The following TSGA10 variants were observed in gnomAD, a reference collection of about 807,000 sequenced individuals.
The protein encoded by TSGA10 is testis-specific gene 10 protein.
In TSGA10, 43 loss-of-function variants were observed where a neutral mutation model predicts 96.6. The ratio of observed to expected loss-of-function variants is 0.44; its 90% CI spans 0.35 to 0.57. The LOEUF (loss-of-function observed/expected upper bound fraction) is 0.57, where lower values mean the gene tolerates loss of function less well. Among genes scored for constraint, TSGA10 ranks in the 20% least tolerant of loss-of-function variants. The probability of loss-of-function intolerance (pLI) is 0.01; values close to 1 mark genes in which losing one functional copy is unlikely to be tolerated. For synonymous variants in TSGA10, 229 were observed against 269.9 expected, an observed-to-expected ratio of 0.85 and a Z score of 1.48; for missense variants, 703 against 834.4, an observed-to-expected ratio of 0.84 and a Z score of 1.94.
chr2:99,122,538 G>A (rs1282718285), intron 2 of TSGA10, among the ~76,000 whole-genome samples: 1 of 150,560 alleles, frequency 6.6e-6, no homozygotes, highest in Non-Finnish European at 1.5e-5. Flanking sequence ...CAGGACTTTG[G>A]GAGGCTGAGG....
intron 10 of TSGA10, chr2:99,102,551 T>C: frequency 6.2e-7 from 1 of 1,614,168 alleles, no homozygotes; most frequent in Non-Finnish European, 8.5e-7. Flanking sequence ...CTCTGGATGC[T>C]CAGCACAGAA....
chr2:99,049,206 T>C (rs2083127738), intron 16 of TSGA10, among the ~76,000 whole-genome samples: 1 of 152,162 alleles, frequency 6.6e-6, no homozygotes. Context: ...CAAATACCAT[T>C]TGACCCAGCA....
chr2:99,118,221 C>G (rs1305022265), intron 3 of TSGA10, among the ~76,000 whole-genome samples: 1 of 151,674 alleles, frequency 6.6e-6, no homozygotes, highest in Non-Finnish European at 1.5e-5. Context: ...GAGGCTGAGG[C>G]GGGCAGATCA....
At chr2:99,006,533 C>CAAA (rs2078491587) in intron 20 of TSGA10, among the ~76,000 whole-genome samples, 1 of 152,158 alleles carries the variant, frequency 6.6e-6, no homozygotes, top group Non-Finnish European at 1.5e-5. Flanking sequence ...AGCCAAAAGA[C>CAAA]ACATGAAAAA....
At chr2:99,036,333 T>A (rs1031319376) in intron 16 of TSGA10, among the ~76,000 whole-genome samples, 1 of 152,054 alleles carries the variant, frequency 6.6e-6, no homozygotes, top group African/African-American at 2.4e-5. Context: ...TTTTTATCCA[T>A]CCTTCCATCC....
chr2:99,099,865 T>G (rs1324233642), intron 10 of TSGA10, among the ~76,000 whole-genome samples: 1 of 152,318 alleles, frequency 6.6e-6, no homozygotes, highest in Non-Finnish European at 1.5e-5. Flanking sequence ...GCAGGACTGT[T>G]GGATACCACA....
intron 10 of TSGA10, among the ~76,000 whole-genome samples, chr2:99,100,421 A>C (rs2090552869): frequency 6.6e-6 from 1 of 152,218 alleles, no homozygotes; most frequent in African/African-American, 2.4e-5. Context: ...CAGAGCAGTG[A>C]AGGACAATCT....
Position 98,997,664 on chromosome 2 carries a change from A to G in TSGA10, c.*533T>C, listed in dbSNP as rs1387892382. On this transcript the variant is annotated 3_prime_UTR_variant, in exon 21 of 21. Coordinates refer to ENST00000393483, the MANE Select transcript of TSGA10 (RefSeq NM_025244.4). Reference sequence around the variant, plus strand: ...ATACTATAGGTTTTAAAACCCTGACAACACTCCTACTTTCTGCTGCTTCAA... The same window carrying G: ...ATACTATAGGTTTTAAAACCCTGACGACACTCCTACTTTCTGCTGCTTCAA... 1 of 152,276 alleles carries G rather than the reference A, an allele frequency of 6.6e-6. No individual in the cohort carries two copies. Among genetic ancestry groups the G allele is most frequent in the Non-Finnish European group, 1.5e-5 (1 of 68,136 alleles). The allele number at this position is 152,276 out of a possible 1,614,324, so 9.4% of individuals were successfully genotyped here. A position where few individuals can be genotyped will look rare whatever the true frequency, so the allele number is the denominator to read the frequency against.
chr2:99,128,275 G>C (rs1028703823), intron 1 of TSGA10, among the ~76,000 whole-genome samples: 3 of 152,072 alleles, frequency 2.0e-5, no homozygotes, highest in Admixed American at 6.6e-5. Context: ...CTTCTTCATT[G>C]CAACAGTTAC....
At chr2:99,107,699 T>C (rs1302718884) in intron 7 of TSGA10, among the ~76,000 whole-genome samples, 1 of 152,196 alleles carries the variant, frequency 6.6e-6, no homozygotes, top group African/African-American at 2.4e-5. Context: ...AATTTCAGTA[T>C]CCATAAAGTT....
intron 1 of TSGA10, among the ~76,000 whole-genome samples, chr2:99,131,796 C>T (rs1010408852): frequency 7.9e-5 from 12 of 152,108 alleles, no homozygotes; most frequent in Non-Finnish European, 1.5e-4. Flanking sequence ...TACATTCCAT[C>T]GATACCTAGT....
At chr2:99,078,606 C>T in intron 12 of TSGA10, 53 bp downstream of exon 12, 3 of 1,512,984 alleles carry the variant, frequency 2.0e-6, no homozygotes, top group South Asian at 1.2e-5. Flanking sequence ...CATAGTTTAA[C>T]ATTTAACATT....
rs532046908 is a variant in TSGA10 at position 99,103,559 on chromosome 2, T to C, written c.611+408A>G. ...ATTTCTCTGTTACGGCTTTTCATTA[T>C]ATTCTAAATCACCCTTTTTCTAAGC... On this transcript the variant is annotated intron_variant, in intron 10 of 20. Coordinates refer to ENST00000393483, the MANE Select transcript of TSGA10 (RefSeq NM_025244.4). 3.3e-5 allele frequency among the ~76,000 whole-genome samples: 5 copies of C among 152,368 alleles called. No homozygotes were observed. The East Asian group carries it at 9.6e-4, about 29-fold the overall frequency.
chr2:99,057,155 C>T (rs2084101497), intron 16 of TSGA10, among the ~76,000 whole-genome samples: 1 of 151,986 alleles, frequency 6.6e-6, no homozygotes, highest in Non-Finnish European at 1.5e-5. Context: ...CCCCTAAAAT[C>T]AGGAACAAGA....
At chr2:99,010,455 C>T (rs1353832071) in intron 20 of TSGA10, among the ~76,000 whole-genome samples, 1 of 152,204 alleles carries the variant, frequency 6.6e-6, no homozygotes, top group African/African-American at 2.4e-5. Flanking sequence ...CCTCCGAACA[C>T]GTCCCCACTG....
intron 1 of TSGA10, among the ~76,000 whole-genome samples, chr2:99,138,589 A>G (rs942093587): frequency 5.9e-5 from 9 of 152,262 alleles, no homozygotes; most frequent in Non-Finnish European, 1.0e-4. Context: ...AGAAATGGAA[A>G]ATGTAAACTT....
At chr2:99,143,167 A>T (rs2105120118) in intron 1 of TSGA10, among the ~76,000 whole-genome samples, 1 of 113,232 alleles carries the variant, frequency 8.8e-6, no homozygotes. Flanking sequence ...TTTGAGACAG[A>T]GTCTCACTCT....
chr2:99,050,888 T>C (rs949848874), intron 16 of TSGA10, among the ~76,000 whole-genome samples: 2 of 152,166 alleles, frequency 1.3e-5, no homozygotes, highest in East Asian at 3.8e-4. Context: ...TATAATATCA[T>C]ATTTTTACTG....
intron 16 of TSGA10, among the ~76,000 whole-genome samples, chr2:99,045,342 G>A (rs1006768356): frequency 1.3e-5 from 2 of 152,050 alleles, no homozygotes; most frequent in African/African-American, 4.8e-5. Flanking sequence ...AAGAAAGGTC[G>A]GGTTACCCAC....
Sources: allele counts gnomAD v4.1 joint callset (sites outside exome capture counted in the v4.1 genomes callset), GRCh38; gene constraint gnomAD v4.1.1; transcripts MANE v1.5; gene names NCBI Gene and HGNC (gene_info 2026-07-23, HGNC 2026-07-21).